ZFP64: variants seen among roughly 807,000 people sequenced by gnomAD.
ZFP64 encodes ZFP64 zinc finger protein.
Under a neutral mutation model 51.6 loss-of-function variants are expected in ZFP64, and 14 were observed. The ratio of observed to expected loss-of-function variants is 0.27; its 90% CI spans 0.18 to 0.42. The LOEUF is 0.42. Among genes scored for constraint, ZFP64 ranks in the 10% least tolerant of loss-of-function variants. The probability of loss-of-function intolerance (pLI) is 1.00; values close to 1 mark genes in which losing one functional copy is unlikely to be tolerated. For missense variants in ZFP64, 754 were observed against 906.8 expected, an observed-to-expected ratio of 0.83 and a Z score of 2.16; for synonymous variants, 375 against 361.4, an observed-to-expected ratio of 1.04 and a Z score of -0.43.
In ZFP64 at chr20:52,153,407, C is replaced by T. The variant is rs1981043686; in HGVS notation, c.785G>A (p.Trp262Ter). 6.2e-7 allele frequency: 1 copy of T among 1,613,800 alleles called. No homozygotes were observed. The highest frequency in any genetic ancestry group is 8.5e-7 in the Non-Finnish European group (1 of 1,179,848). ...SHTGDAPFQC[W>*]LCSAKFKISS... The stretch of plus-strand genomic sequence containing the variant: ...GATTTTGAACTTGGCGCTACAGAGC[C>T]AGCACTGGAAGGGGGCGTCCCCTGT... Residue 262 changes from tryptophan (W) to a stop codon, truncating the protein, a stop_gained, in exon 6 of 6, where the codon TGG becomes TAG. Coordinates refer to ENST00000216923, the MANE Select transcript of ZFP64 (RefSeq NM_018197.3). LOFTEE classifies it high-confidence loss of function. The surrounding 1 kb of genome is among the most constrained non-coding windows in gnomAD (Gnocchi z 5.1).
At chr20:52,104,058 G>A (rs1481936262) in intron 5 of ZFP64, among the ~76,000 whole-genome samples, 1 of 152,300 alleles carries the variant, frequency 6.6e-6, no homozygotes, top group South Asian at 2.1e-4. Flanking sequence ...GGGGAGAAGA[G>A]GAAGTCCAGT....
chr20:52,186,603 G>T (rs1983982761), intron 2 of ZFP64, among the ~76,000 whole-genome samples: 1 of 147,340 alleles, frequency 6.8e-6, no homozygotes, highest in African/African-American at 2.5e-5. Flanking sequence ...TTTTTTGTCT[G>T]TTTTTTTTGT....
downstream of ZFP64, among the ~76,000 whole-genome samples, chr20:52,149,709 A>C (rs1980696081): frequency 3.3e-5 from 5 of 152,238 alleles, no homozygotes; most frequent in Admixed American, 3.3e-4. Flanking sequence ...AAGACAAAAC[A>C]ACCAACAAAT....
chr20:52,154,427 G>A (rs959639638), intron 5 of ZFP64, among the ~76,000 whole-genome samples: 1 of 152,126 alleles, frequency 6.6e-6, no homozygotes, highest in African/African-American at 2.4e-5. Context: ...GAAGGGCTTG[G>A]ATTCCAATCC....
chr20:52,166,812 G>T (rs1199385723), intron 2 of ZFP64, among the ~76,000 whole-genome samples: 10 of 152,088 alleles, frequency 6.6e-5, no homozygotes, highest in African/African-American at 2.4e-4. Context: ...TAAGATTTCT[G>T]TTAACTGCAG....
At chr20:52,101,094 T>G (rs1251530036) in intron 5 of ZFP64, among the ~76,000 whole-genome samples, 1 of 152,120 alleles carries the variant, frequency 6.6e-6, no homozygotes, top group African/African-American at 2.4e-5. Context: ...ATCTAGTGGG[T>G]GAAGGCCAGG....
chr20:52,155,945 A>C (rs1229640689), intron 5 of ZFP64, among the ~76,000 whole-genome samples: 3 of 152,260 alleles, frequency 2.0e-5, no homozygotes, highest in Non-Finnish European at 4.4e-5. Context: ...CCAGTGCCAC[A>C]GATTTATAAA....
At chr20:52,101,018 A>G (rs969691465) in intron 5 of ZFP64, among the ~76,000 whole-genome samples, 1 of 152,088 alleles carries the variant, frequency 6.6e-6, no homozygotes, top group Non-Finnish European at 1.5e-5. Flanking sequence ...ACCAAAGGAC[A>G]CTCAGCAATG....
At chr20:52,108,610 G>A (rs1173918233) in intron 5 of ZFP64, among the ~76,000 whole-genome samples, 1 of 151,706 alleles carries the variant, frequency 6.6e-6, no homozygotes, top group African/African-American at 2.4e-5. Context: ...CTGGGTTCAA[G>A]CAATTCTCCT....
At chr20:52,088,515 C>T (rs1230470299) in exon 8 of ZFP64, 2 of 1,614,178 alleles carry the variant, frequency 1.2e-6, no homozygotes, top group Non-Finnish European at 1.7e-6. Context: ...CTACTGCTGT[C>T]CACGGCAGCG....
intron 2 of ZFP64, among the ~76,000 whole-genome samples, chr20:52,166,239 A>G (rs1038316230): frequency 6.6e-6 from 1 of 151,486 alleles, no homozygotes; most frequent in Non-Finnish European, 1.5e-5. Context: ...CCCTGATTTA[A>G]AATAGCATGG....
chr20:52,173,722 C>A (rs1982942039), intron 2 of ZFP64, among the ~76,000 whole-genome samples: 1 of 151,168 alleles, frequency 6.6e-6, no homozygotes, highest in African/African-American at 2.4e-5. Context: ...AGTCTTGGCT[C>A]ACAGCAACCT....
In ZFP64 at chr20:52,164,743, T is replaced by C; in HGVS notation, c.463A>G (p.Thr155Ala). The C allele has an allele frequency of 6.2e-7, 1 of 1,611,008 alleles. No homozygotes were observed. The highest frequency in any genetic ancestry group is 8.5e-7 in the Non-Finnish European group (1 of 1,179,320). The change falls in exon 4 of 6, where the codon ACT becomes GCT. Residue 155 changes from threonine to alanine, a missense_variant. Physicochemically the swap from Thr to Ala is moderately conservative, Grantham distance 58. Coordinates refer to ENST00000216923, the MANE Select transcript of ZFP64 (RefSeq NM_018197.3). Reference sequence around the variant, plus strand: ...TCCATGTCCTTCATGCCATAAGCAGTCTTGAATTGGCAACCTAAAAAAAAA... The same window carrying C: ...TCCATGTCCTTCATGCCATAAGCAGCCTTGAATTGGCAACCTAAAAAAAAA... ...NCCYPGCQFKTAYGMKDMERH... is the reference protein window; with the variant it reads ...NCCYPGCQFKAAYGMKDMERH...
chr20:52,112,111 A>AC (rs1978628478), intron 5 of ZFP64, among the ~76,000 whole-genome samples: 4 of 147,452 alleles, frequency 2.7e-5, no homozygotes, highest in African/African-American at 4.9e-5. Context: ...CAAAAAAAAA[A>AC]CAAGAATCCC....
In ZFP64 at chr20:52,191,507, G is replaced by A; in HGVS notation, c.46+84C>T. On this transcript the variant is annotated intron_variant, in intron 1 of 5. Coordinates refer to ENST00000216923, the MANE Select transcript of ZFP64 (RefSeq NM_018197.3). This position sits in a 1 kb window ranked among gnomAD's most constrained non-coding sequence, Gnocchi z 4.3. ...CGATTTCGGGGCCCCGGGCCTGCTGGCTGCGTCGCAGACGTGCTTGGGCCC... is the reference window on the plus strand; with the variant it reads ...CGATTTCGGGGCCCCGGGCCTGCTGACTGCGTCGCAGACGTGCTTGGGCCC... The A allele has an allele frequency of 2.1e-6, 3 of 1,410,030 alleles. No individual in the cohort carries two copies. Among genetic ancestry groups the A allele is most frequent in the Non-Finnish European group, 9.3e-7 (1 of 1,079,638 alleles). 87.3% of individuals were successfully genotyped at this position (1,410,030 alleles called of 1,614,324 possible).
intron 7 of ZFP64, among the ~76,000 whole-genome samples, chr20:52,092,350 A>G (rs2078936733): frequency 6.6e-6 from 1 of 150,996 alleles, no homozygotes; most frequent in Non-Finnish European, 1.5e-5. Flanking sequence ...ACAATCGAAG[A>G]TGTCTCCAGA....
Position 52,178,323 on chromosome 20 carries a change from CACTTTCT to C in ZFP64, c.286+8502_286+8508del, listed in dbSNP as rs1299775520. On this transcript the variant is annotated intron_variant, in intron 2 of 5. Coordinates refer to ENST00000216923, the MANE Select transcript of ZFP64 (RefSeq NM_018197.3). ...GCCTGGGTTTGAGACCCGGTTCTGCCACTTTCTGTCATCTGGACAAGTTATTTAACCC... is the reference window on the plus strand; with the variant it reads ...GCCTGGGTTTGAGACCCGGTTCTGCCGTCATCTGGACAAGTTATTTAACCC... 2.0e-4 allele frequency among the ~76,000 whole-genome samples: 30 copies of C among 152,294 alleles called. 1 individual carries two copies. The highest frequency in any genetic ancestry group is 1.1e-3 in the Admixed American group (17 of 15,298).
chr20:52,152,950 C>T lies in ZFP64; in HGVS notation c.1242G>A (p.Arg414=), dbSNP rs768677232. The change falls in exon 6 of 6, where the codon CGG becomes CGA. Residue 414 remains arginine (R), a synonymous_variant. Coordinates refer to ENST00000216923, the MANE Select transcript of ZFP64 (RefSeq NM_018197.3). The part of the protein sequence containing the change: ...ERKDTGRQSS[R]QVAKLDAKKS... Reference sequence around the variant, plus strand: ...TCTTGGCATCCAGCTTGGCCACCTGCCGGCTGCTCTGCCTGCCGGTGTCCT... The same window carrying T: ...TCTTGGCATCCAGCTTGGCCACCTGTCGGCTGCTCTGCCTGCCGGTGTCCT... The T allele has an allele frequency of 3.6e-5, 58 of 1,613,612 alleles. No individual in the cohort carries two copies. Among genetic ancestry groups the T allele is most frequent in the Non-Finnish European group, 4.7e-5 (56 of 1,180,054 alleles).
chr20:52,187,217 G>A (rs1472103260), intron 1 of ZFP64, 146 bp from the exon 2 acceptor site: 8 of 766,380 alleles, frequency 1.0e-5, no homozygotes, highest in Non-Finnish European at 1.6e-5. Flanking sequence ...CTCTTCCTGC[G>A]AACTGCATCC....
Sources: allele counts gnomAD v4.1 joint callset (sites outside exome capture counted in the v4.1 genomes callset), GRCh38; gene constraint gnomAD v4.1.1; non-coding constraint Gnocchi (gnomAD v3.1); transcripts MANE v1.5; gene names NCBI Gene and HGNC (gene_info 2026-07-23, HGNC 2026-07-21).